Variants in NALF1 observed in about 807,000 individuals in gnomAD.
The protein encoded by NALF1 is family with sequence similarity 155 member A.
A neutral mutation model predicts 48.4 loss-of-function variants in NALF1; 3 were observed. That is an observed-to-expected ratio of 0.06 (90% CI 0.03 to 0.16). The LOEUF (loss-of-function observed/expected upper bound fraction) is 0.16, where lower values mean the gene tolerates loss of function less well. NALF1 is among the 10% of genes least tolerant of loss of function. NALF1 has a pLI of 1.00. For synonymous variants in NALF1, 262 were observed against 245.7 expected (o/e 1.07, Z -0.62); for missense variants, 526 against 571.5 (o/e 0.92, Z 0.81).
intron 1 of NALF1, among the ~76,000 whole-genome samples, chr13:107,857,023 A>G (rs1463955153): frequency 4.6e-5 from 7 of 152,220 alleles, no homozygotes; most frequent in Non-Finnish European, 1.0e-4. Context: ...ATTGGATAGT[A>G]AGACTTCCTT....
chr13:107,600,716 T>C (rs1269117882), intron 1 of NALF1, among the ~76,000 whole-genome samples: 1 of 152,000 alleles, frequency 6.6e-6, no homozygotes, highest in East Asian at 1.9e-4. Flanking sequence ...AACATACAGG[T>C]GAATAAGAGA....
At chr13:107,339,112 C>A (rs1487764190) in intron 1 of NALF1, among the ~76,000 whole-genome samples, 2 of 126,558 alleles carry the variant, frequency 1.6e-5, no homozygotes, top group East Asian at 4.6e-4. Context: ...CCAGCCTGGG[C>A]GACAGAGGGA....
At chr13:107,611,390 G>C (rs879923977) in intron 1 of NALF1, among the ~76,000 whole-genome samples, 1 of 152,190 alleles carries the variant, frequency 6.6e-6, no homozygotes, top group Non-Finnish European at 1.5e-5. Context: ...AGAGAGATGT[G>C]CACATTCATA....
At chr13:107,473,627 T>C (rs762656695) in intron 1 of NALF1, among the ~76,000 whole-genome samples, 17 of 152,176 alleles carry the variant, frequency 1.1e-4, no homozygotes, top group Non-Finnish European at 2.2e-4. Flanking sequence ...AATTTGCTTA[T>C]GGAAAAGAGA....
In NALF1 at chr13:107,362,306, G is replaced by A. The variant is rs1883076908; in HGVS notation, c.916-151551C>T. On this transcript the variant is annotated intron_variant, in intron 1 of 2. Coordinates refer to ENST00000375915, the MANE Select transcript of NALF1 (RefSeq NM_001080396.3). This position sits in a 1 kb window ranked among gnomAD's most constrained non-coding sequence, Gnocchi z 4.6. ...GCTGTAACAAACTATGATCAACTGA[G>A]TAGCTGAAAACAAGAGAAATGCATT... 6.6e-6 allele frequency among the ~76,000 whole-genome samples: 1 copy of A among 152,162 alleles called. No homozygotes were observed. Among genetic ancestry groups the A allele is most frequent in the Admixed American group, 6.5e-5 (1 of 15,270 alleles).
intron 1 of NALF1, among the ~76,000 whole-genome samples, chr13:107,837,736 C>A (rs1879938665): frequency 6.6e-6 from 1 of 152,120 alleles, no homozygotes; most frequent in Non-Finnish European, 1.5e-5. Flanking sequence ...CCCTGCAGCA[C>A]TTCACAGAGC....
At chr13:107,447,576 T>C (rs1314866340) in intron 1 of NALF1, among the ~76,000 whole-genome samples, 3 of 152,168 alleles carry the variant, frequency 2.0e-5, no homozygotes, top group African/African-American at 7.2e-5. Flanking sequence ...TTTTAGCTTC[T>C]TTATTCCTTT....
intron 1 of NALF1, among the ~76,000 whole-genome samples, chr13:107,796,969 C>T (rs1878444973): frequency 6.6e-6 from 1 of 152,082 alleles, no homozygotes; most frequent in Admixed American, 6.6e-5. Flanking sequence ...CACAAAACAC[C>T]AAACTTCCTC....
chr13:107,374,730 T>C (rs1030776119), intron 1 of NALF1, among the ~76,000 whole-genome samples: 2 of 152,076 alleles, frequency 1.3e-5, no homozygotes, highest in Admixed American at 1.3e-4. Flanking sequence ...AGAGTCCTCA[T>C]GAATGGATTA....
At chr13:107,760,317 A>G (rs1292225935) in intron 1 of NALF1, among the ~76,000 whole-genome samples, 1 of 149,972 alleles carries the variant, frequency 6.7e-6, no homozygotes, top group East Asian at 2.0e-4. Flanking sequence ...GATTTTAAAA[A>G]TCAACATGAT....
chr13:107,165,235 G>A lies in NALF1; in HGVS notation c.*5262C>T, dbSNP rs1177647748. 6.6e-6 allele frequency: 1 copy of A among 151,966 alleles called. No individual in the cohort carries two copies. The highest frequency in any genetic ancestry group is 2.1e-4 in the South Asian group (1 of 4,818). The allele number at this position is 151,966 out of a possible 1,614,324, so 9.4% of individuals were successfully genotyped here. On this transcript the variant is annotated 3_prime_UTR_variant, in exon 3 of 3. Transcript: ENST00000375915. Reference sequence around the variant, plus strand: ...TGGAACAAAATGTAACATGACAAACGAACTCTGAGACATTCGCTAGATCTT... The same window carrying A: ...TGGAACAAAATGTAACATGACAAACAAACTCTGAGACATTCGCTAGATCTT...
At chr13:107,430,327 A>G (rs879088210) in intron 1 of NALF1, among the ~76,000 whole-genome samples, 5 of 151,858 alleles carry the variant, frequency 3.3e-5, no homozygotes, top group Non-Finnish European at 7.4e-5. Context: ...TTTAGCGTAC[A>G]TGTGCACAAC....
intron 1 of NALF1, among the ~76,000 whole-genome samples, chr13:107,598,066 A>G (rs1878807097): frequency 6.6e-6 from 1 of 152,196 alleles, no homozygotes; most frequent in South Asian, 2.1e-4. Flanking sequence ...AGTATCCTCT[A>G]TAAGACTTAG....
chr13:107,539,094 A>T (rs1460852150), intron 1 of NALF1, among the ~76,000 whole-genome samples: 1 of 151,878 alleles, frequency 6.6e-6, no homozygotes, highest in Admixed American at 6.6e-5. Flanking sequence ...CATCACTGGA[A>T]TTTGGGTACT....
rs35254661 is a variant in NALF1, at chr13:107,819,683, T to TTCTCTCTCTCTCTC, written c.915+45985_915+45998dup. Among the ~76,000 whole-genome samples the TTCTCTCTCTCTCTC allele has an allele frequency of 5.7e-3, 781 of 136,426 alleles. 9 individuals are homozygous for TTCTCTCTCTCTCTC. Among genetic ancestry groups the TTCTCTCTCTCTCTC allele is most frequent in the East Asian group, 0.025 (109 of 4,406 alleles). 89.5% of individuals were successfully genotyped at this position (136,426 alleles called of 152,430 possible). On this transcript the variant is annotated intron_variant, in intron 1 of 2. Transcript: ENST00000375915. The stretch of plus-strand genomic sequence containing the variant: ...TGAATCTGCTGTCTCCAGCTGGAAA[T>TTCTCTCTCTCTCTC]TCTCTCTCTCTCTCTCTCTCTCTCT...
intron 1 of NALF1, among the ~76,000 whole-genome samples, chr13:107,739,433 TATA>T (rs1876565295): frequency 6.8e-6 from 1 of 147,158 alleles, no homozygotes; most frequent in Admixed American, 6.9e-5. Flanking sequence ...ATATAAAATA[TATA>T]ATATTATATA....
At chr13:107,453,256 G>T (rs1174471177) in intron 1 of NALF1, among the ~76,000 whole-genome samples, 1 of 152,216 alleles carries the variant, frequency 6.6e-6, no homozygotes, top group African/African-American at 2.4e-5. Flanking sequence ...CCCTAGCAGA[G>T]GTTCTCCATG....
chr13:107,367,053 T>G (rs1445668338), intron 1 of NALF1, among the ~76,000 whole-genome samples: 1 of 152,160 alleles, frequency 6.6e-6, no homozygotes, highest in Non-Finnish European at 1.5e-5. Context: ...TGGGGACAAC[T>G]AGTCCCTTGC....
At chr13:107,570,956 G>A (rs1877971027) in intron 1 of NALF1, among the ~76,000 whole-genome samples, 1 of 152,110 alleles carries the variant, frequency 6.6e-6, no homozygotes, top group South Asian at 2.1e-4. Context: ...TCTTCAATGA[G>A]ATTTGTATAT....
Sources: allele counts gnomAD v4.1 joint callset (sites outside exome capture counted in the v4.1 genomes callset), GRCh38; gene constraint gnomAD v4.1.1; non-coding constraint Gnocchi (gnomAD v3.1); transcripts MANE v1.5; gene names NCBI Gene and HGNC (gene_info 2026-07-23, HGNC 2026-07-21).